The following CLCN7 variants were observed in gnomAD, a reference collection of about 807,000 sequenced individuals.
The protein encoded by CLCN7 is H(+)/Cl(-) exchange transporter 7.
In CLCN7, 60 loss-of-function variants were observed where a neutral mutation model predicts 102.1. The ratio of observed to expected loss-of-function variants is 0.59; its 90% CI spans 0.48 to 0.73. The LOEUF is 0.73. Among genes scored for constraint, CLCN7 ranks in the 30% least tolerant of loss-of-function variants. The pLI is 0.00. For synonymous variants in CLCN7, 560 were observed against 490.5 expected (o/e 1.14, Z -1.87); for missense variants, 962 against 1,125.7 (o/e 0.85, Z 2.08).
At position 1,475,005 on chromosome 16, in the gene CLCN7, G is replaced by T. The variant is rs1567279803; in HGVS notation, c.-31C>A. 1 of 1,431,648 alleles carries T rather than the reference G, an allele frequency of 7.0e-7. No homozygotes were observed. The highest frequency in any genetic ancestry group is 2.4e-5 in the Admixed American group (1 of 42,034). 88.7% of individuals were successfully genotyped at this position (1,431,648 alleles called of 1,614,324 possible). A position where few individuals can be genotyped will look rare whatever the true frequency, so the allele number is the denominator to read the frequency against. On this transcript the variant is annotated 5_prime_UTR_variant, in exon 1 of 25. Coordinates refer to ENST00000382745, the MANE Select transcript of CLCN7 (RefSeq NM_001287.6). The stretch of plus-strand genomic sequence containing the variant: ...GCCGCGGAGCGACACCGGCCGGGAA[G>T]CGCCGGCTGCCCCCGTGTTTGTTCT...
intron 7 of CLCN7, among the ~76,000 whole-genome samples, chr16:1,458,565 A>G (rs1596221512): frequency 6.6e-6 from 1 of 151,952 alleles, no homozygotes; most frequent in East Asian, 1.9e-4. Flanking sequence ...CCCCGGAAGC[A>G]CCCCCAGGGG....
chr16:1,446,393 G>A lies in CLCN7; in HGVS notation c.*238C>T. 2 of 702,402 alleles carry A rather than the reference G, an allele frequency of 2.8e-6. No homozygotes were observed. The highest frequency in any genetic ancestry group is 2.6e-6 in the Non-Finnish European group (1 of 384,826). The allele number at this position is 702,402 out of a possible 1,614,324, so 43.5% of individuals were successfully genotyped here. A position where few individuals can be genotyped will look rare whatever the true frequency, so the allele number is the denominator to read the frequency against. ...CCTGGAGGTAAAGAAACCTAGACGA[G>A]GAGAGTGGAGGCTGGGCCTGCGCAA... On this transcript the variant is annotated 3_prime_UTR_variant, in exon 25 of 25. Transcript: ENST00000382745.
rs540454719 is a variant in CLCN7, at chr16:1,470,609, G to A, written c.141+4225C>T. Among the ~76,000 whole-genome samples, 3 of 152,344 alleles carry A rather than the reference G, an allele frequency of 2.0e-5. No homozygotes were observed. The East Asian group carries it at 5.8e-4, about 29-fold the overall frequency. ...AGCAAGACAGACACTGAACAGCAATGCTGGAGGGCAGGGAAGGGCAGGGGA... is the reference window on the plus strand; with the variant it reads ...AGCAAGACAGACACTGAACAGCAATACTGGAGGGCAGGGAAGGGCAGGGGA... On this transcript the variant is annotated intron_variant, in intron 1 of 24. Coordinates refer to ENST00000382745, the MANE Select transcript of CLCN7 (RefSeq NM_001287.6).
Position 1,474,840 on chromosome 16 carries a change from C to G in CLCN7, c.135G>C (p.Ala45=). Residue 45 remains alanine (A), a synonymous_variant, in exon 1 of 25, where the codon GCG becomes GCC. Coordinates refer to ENST00000382745, the MANE Select transcript of CLCN7 (RefSeq NM_001287.6). ...PLLNGAGPGA[A]RQSPRSALFR... ...GCGCCCTGCCCGGCCTCACCTGGCG[C>G]GCAGCCCCAGGCCCAGCCCCGTTCA... 7.3e-7 allele frequency: 1 copy of G among 1,361,910 alleles called. No homozygotes were observed. The highest frequency in any genetic ancestry group is 9.5e-7 in the Non-Finnish European group (1 of 1,056,436). 84.4% of individuals were successfully genotyped at this position (1,361,910 alleles called of 1,614,324 possible). A position where few individuals can be genotyped will look rare whatever the true frequency, so the allele number is the denominator to read the frequency against.
intron 7 of CLCN7, among the ~76,000 whole-genome samples, chr16:1,458,642 C>T (rs1481538929): frequency 2.6e-5 from 4 of 152,356 alleles, no homozygotes; most frequent in Admixed American, 2.0e-4. Flanking sequence ...GGCTAAGGAA[C>T]GATGGCGGCA....
Position 1,457,546 on chromosome 16 carries a change from C to G in CLCN7, c.738+148G>C. The G allele has an allele frequency of 1.4e-6, 1 of 690,244 alleles. No individual in the cohort carries two copies. Among genetic ancestry groups the G allele is most frequent in the East Asian group, 2.7e-5 (1 of 37,228 alleles). 42.8% of individuals were successfully genotyped at this position (690,244 alleles called of 1,614,324 possible). A position where few individuals can be genotyped will look rare whatever the true frequency, so the allele number is the denominator to read the frequency against. ...GCGTGACGCGGCCCTTCCTGGAGAC[C>G]AGAAGGACCGGTGCTCAGAGACACG... On this transcript the variant is annotated intron_variant, in intron 8 of 24. Coordinates refer to ENST00000382745, the MANE Select transcript of CLCN7 (RefSeq NM_001287.6). The surrounding 1 kb of genome is among the most constrained non-coding windows in gnomAD (Gnocchi z 5.4).
chr16:1,449,708 A>ATGCTGACTCC, intron 17 of CLCN7: 3 of 356,472 alleles, frequency 8.4e-6, no homozygotes, highest in Non-Finnish European at 1.6e-5. Context: ...GAGGCTGCAG[A>ATGCTGACTCC]AAGCGGGGCA....
chr16:1,461,341 C>A, intron 4 of CLCN7, 64 bp downstream of exon 4: 3 of 1,425,226 alleles, frequency 2.1e-6, no homozygotes, highest in South Asian at 2.5e-5. Context: ...GAAGAGCAGC[C>A]CCAGGCCCGG....
intron 7 of CLCN7, among the ~76,000 whole-genome samples, chr16:1,458,479 G>C (rs1243238321): frequency 6.6e-6 from 1 of 152,244 alleles, no homozygotes; most frequent in African/African-American, 2.4e-5. Flanking sequence ...CCACAGGGCA[G>C]GGGCACCCCA....
chr16:1,464,102 A>G (rs748065589), intron 2 of CLCN7, among the ~76,000 whole-genome samples: 2 of 152,192 alleles, frequency 1.3e-5, no homozygotes, highest in Non-Finnish European at 2.9e-5. Context: ...TTGAGCAACA[A>G]AAGACACCAC....
rs113572280 is a variant in CLCN7 at position 1,456,088 on chromosome 16, T to C, written c.916+25A>G. The C allele has an allele frequency of 2.8e-5, 43 of 1,523,054 alleles. No homozygotes were observed. The African/African-American group carries it at 3.6e-4, about 13-fold the overall frequency. The allele number at this position is 1,523,054 out of a possible 1,614,324, so 94.3% of individuals were successfully genotyped here. A position where few individuals can be genotyped will look rare whatever the true frequency, so the allele number is the denominator to read the frequency against. ...CAACACACAGGGCGAGGGCAAAGCA[T>C]TGGACCCGGTGCGGCCCTCCTCACC... On this transcript the variant is annotated intron_variant, in intron 10 of 24. Transcript: ENST00000382745.
At chr16:1,461,314 G>A (rs755955127) in intron 4 of CLCN7, 91 bp downstream of exon 4, 114 of 1,145,422 alleles carry the variant, frequency 1.0e-4, no homozygotes, top group African/African-American at 3.7e-4. Context: ...GAGGAGGTGC[G>A]TCACCTCACC....
At chr16:1,474,014 G>C (rs1394638170) in intron 1 of CLCN7, 1 of 393,580 alleles carries the variant, frequency 2.5e-6, no homozygotes, top group Admixed American at 3.1e-5. Context: ...AACTCGGGAG[G>C]TGGGGGTTGC....
At chr16:1,452,182 C>T (rs1596215191) in intron 15 of CLCN7, 1 of 262,092 alleles carries the variant, frequency 3.8e-6, no homozygotes, top group East Asian at 9.5e-5. Context: ...GGCCCCGGGC[C>T]TCCCACGTCT....
intron 17 of CLCN7, chr16:1,449,799 G>T (rs975357804): frequency 4.2e-5 from 9 of 215,250 alleles, no homozygotes; most frequent in Admixed American, 1.1e-4. Context: ...ACTGCCTCGT[G>T]AACGTGAGAA....
At chr16:1,449,456 C>T (rs929851710) in intron 17 of CLCN7, 129 bp from the exon 18 acceptor site, 11 of 816,030 alleles carry the variant, frequency 1.3e-5, no homozygotes, top group Middle Eastern at 2.4e-4. Context: ...TGGCCGCGTA[C>T]ATACACACAG....
intron 23 of CLCN7, 130 bp from the exon 24 acceptor site, chr16:1,447,216 C>T: frequency 1.8e-6 from 2 of 1,140,770 alleles, no homozygotes; most frequent in Non-Finnish European, 2.5e-6. Flanking sequence ...CCCGTCTGGC[C>T]AGCCCCCTCA....
At chr16:1,454,000 G>A (rs2038794861) in intron 13 of CLCN7, 106 bp from the exon 14 acceptor site, 2 of 1,062,150 alleles carry the variant, frequency 1.9e-6, no homozygotes, top group Non-Finnish European at 2.9e-6. Context: ...CAGAGGGAAG[G>A]GGACGGCAGG....
In CLCN7 at chr16:1,445,296, G is replaced by C. The variant is rs2038617489; in HGVS notation, c.*1335C>G. 1 of 146,770 alleles carries C rather than the reference G, an allele frequency of 6.8e-6. No individual in the cohort carries two copies. Among genetic ancestry groups the C allele is most frequent in the African/African-American group, 2.4e-5 (1 of 40,926 alleles). The allele number at this position is 146,770 out of a possible 1,614,324, so 9.1% of individuals were successfully genotyped here. ...GGGTCCCGAAAGTCCCAGGCTGTTG[G>C]ACGTGGTCTGGGTGGGGTGGGAGGG... On this transcript the variant is annotated 3_prime_UTR_variant, in exon 25 of 25. Coordinates refer to ENST00000382745, the MANE Select transcript of CLCN7 (RefSeq NM_001287.6).
Sources: gnomAD v4.1 joint callset for allele counts (sites outside exome capture counted in the v4.1 genomes callset) on GRCh38, gnomAD v4.1.1 for gene constraint, Gnocchi (gnomAD v3.1) non-coding constraint, MANE v1.5 for transcripts, NCBI Gene and HGNC (gene_info 2026-07-23, HGNC 2026-07-21) for gene names.